The following ATP2B2 variants were observed in gnomAD, a reference collection of about 807,000 sequenced individuals.
The protein encoded by ATP2B2 is ATPase plasma membrane Ca2+ transporting 2, also known as plasma membrane calcium-transporting ATPase 2.
A neutral mutation model predicts 120.0 loss-of-function variants in ATP2B2; 15 were observed. The observed-to-expected ratio is 0.12, with a 90% CI of 0.08 to 0.19. ATP2B2 has a LOEUF of 0.19. Among genes scored for constraint, ATP2B2 ranks in the 10% least tolerant of loss-of-function variants. The pLI, the probability that ATP2B2 is intolerant of heterozygous loss-of-function variation, is 1.00. For synonymous variants in ATP2B2, 694 were observed against 700.3 expected (o/e 0.99, Z 0.14); for missense variants, 1,045 against 1,719.8 (o/e 0.61, Z 6.94).
Position 10,327,425 on chromosome 3 carries a change from G to T in ATP2B2, c.*1389C>A, listed in dbSNP as rs1383733895. 1 of 152,476 alleles carries T rather than the reference G, an allele frequency of 6.6e-6. No individual in the cohort carries two copies. Among genetic ancestry groups the T allele is most frequent in the Admixed American group, 6.5e-5 (1 of 15,270 alleles). The allele number at this position is 152,476 out of a possible 1,614,324, so 9.4% of individuals were successfully genotyped here. The stretch of plus-strand genomic sequence containing the variant: ...GGATCTAAATAGTGCAGAGAAAAAG[G>T]CTATTCTTCTTCAAAAATAAAAATA... On this transcript the variant is annotated 3_prime_UTR_variant, in exon 23 of 23. Coordinates refer to ENST00000360273, the MANE Select transcript of ATP2B2 (RefSeq NM_001001331.4).
At chr3:10,480,173 A>G (rs1462059580) in intron 1 of ATP2B2, among the ~76,000 whole-genome samples, 1 of 152,168 alleles carries the variant, frequency 6.6e-6, no homozygotes, top group Admixed American at 6.5e-5. Context: ...GGGTGTATTC[A>G]CTTTCTATAA....
intron 1 of ATP2B2, among the ~76,000 whole-genome samples, chr3:10,628,595 C>T (rs1044902848): frequency 6.6e-6 from 1 of 151,806 alleles, no homozygotes; most frequent in Non-Finnish European, 1.5e-5. Context: ...ATGGCATTCA[C>T]AATTCCGACC....
intron 2 of ATP2B2, among the ~76,000 whole-genome samples, chr3:10,543,250 C>T (rs927052449): frequency 5.9e-5 from 9 of 152,204 alleles, no homozygotes; most frequent in Admixed American, 2.0e-4. Context: ...AAATAAATTA[C>T]TGTTGTTTAA....
chr3:10,343,000 G>A lies in ATP2B2; in HGVS notation c.2704-35C>T, dbSNP rs771515432. The A allele has an allele frequency of 1.1e-5, 17 of 1,601,932 alleles. No individual in the cohort carries two copies. Among genetic ancestry groups the A allele is most frequent in the East Asian group, 2.2e-5 (1 of 44,794 alleles). On this transcript the variant is annotated intron_variant, in intron 18 of 22. Coordinates refer to ENST00000360273, the MANE Select transcript of ATP2B2 (RefSeq NM_001001331.4). The surrounding 1 kb of genome is among the most constrained non-coding windows in gnomAD (Gnocchi z 4.4). ...GGCAGGAGAGGGCTGTCACCTGTGCGCCCACCTGCTGCTGTGAAGTGCTGG... is the reference window on the plus strand; with the variant it reads ...GGCAGGAGAGGGCTGTCACCTGTGCACCCACCTGCTGCTGTGAAGTGCTGG...
At chr3:10,531,564 G>A (rs370746463) in intron 3 of ATP2B2, among the ~76,000 whole-genome samples, 14 of 152,208 alleles carry the variant, frequency 9.2e-5, no homozygotes, top group African/African-American at 2.9e-4. Flanking sequence ...GGCACAAGGC[G>A]AGCCCTGCAT....
chr3:10,700,992 T>C (rs777458276), intron 1 of ATP2B2, among the ~76,000 whole-genome samples: 3 of 152,234 alleles, frequency 2.0e-5, no homozygotes, highest in Non-Finnish European at 2.9e-5. Context: ...CTATGACTAA[T>C]GTCAAAAGAG....
chr3:10,693,563 A>G (rs960835523), intron 1 of ATP2B2, among the ~76,000 whole-genome samples: 3 of 152,278 alleles, frequency 2.0e-5, no homozygotes, highest in African/African-American at 7.2e-5. Context: ...TTTAAAACAA[A>G]TGGCGTAACA....
intron 5 of ATP2B2, among the ~76,000 whole-genome samples, chr3:10,389,108 T>C (rs1055535895): frequency 1.3e-5 from 2 of 152,238 alleles, no homozygotes; most frequent in Admixed American, 6.5e-5. Context: ...AGAACCACTT[T>C]CCTAGAACTT....
At chr3:10,677,155 C>G (rs2071267315) in intron 1 of ATP2B2, among the ~76,000 whole-genome samples, 2 of 152,182 alleles carry the variant, frequency 1.3e-5, no homozygotes, top group African/African-American at 4.8e-5. Context: ...AACTTGGAAG[C>G]AACCAAGATG....
At chr3:10,665,718 C>T (rs2070912676) in intron 1 of ATP2B2, among the ~76,000 whole-genome samples, 1 of 152,196 alleles carries the variant, frequency 6.6e-6, no homozygotes, top group South Asian at 2.1e-4. Flanking sequence ...AGGCTCAGCT[C>T]CCCTCCTGGC....
chr3:10,645,689 A>G (rs569185426), intron 1 of ATP2B2, among the ~76,000 whole-genome samples: 2 of 152,350 alleles, frequency 1.3e-5, no homozygotes, highest in African/African-American at 2.4e-5. Context: ...TTGAGTCTGC[A>G]TCTGTCTCCA....
chr3:10,376,660 T>C (rs1210947441), intron 10 of ATP2B2, among the ~76,000 whole-genome samples: 1 of 152,178 alleles, frequency 6.6e-6, no homozygotes, highest in East Asian at 1.9e-4. Flanking sequence ...CCTGCTCAGG[T>C]GACTGGGTCC....
At chr3:10,452,446 C>A (rs997212277) in intron 1 of ATP2B2, among the ~76,000 whole-genome samples, 1 of 152,192 alleles carries the variant, frequency 6.6e-6, no homozygotes, top group Non-Finnish European at 1.5e-5. Context: ...GGCACTAGGT[C>A]CGTGCAGGGA....
chr3:10,684,029 A>C (rs936152586), intron 1 of ATP2B2, among the ~76,000 whole-genome samples: 6 of 151,940 alleles, frequency 3.9e-5, no homozygotes, highest in African/African-American at 1.5e-4. Context: ...TCCATTGGAG[A>C]ATTGTCCCTT....
chr3:10,504,847 G>T (rs946455164), intron 1 of ATP2B2, among the ~76,000 whole-genome samples: 4 of 152,086 alleles, frequency 2.6e-5, no homozygotes, highest in Non-Finnish European at 5.9e-5. Flanking sequence ...CTGGCCACCC[G>T]TTCCTGCCAC....
intron 2 of ATP2B2, among the ~76,000 whole-genome samples, chr3:10,618,756 T>C (rs2069465778): frequency 1.3e-5 from 2 of 152,144 alleles, no homozygotes; most frequent in Non-Finnish European, 2.9e-5. Flanking sequence ...CAGAGAGCAC[T>C]TGGGAAGAAA....
At chr3:10,465,480 T>G (rs946101448) in intron 1 of ATP2B2, among the ~76,000 whole-genome samples, 7 of 152,266 alleles carry the variant, frequency 4.6e-5, no homozygotes, top group Admixed American at 6.5e-5. Context: ...ACCATCCTTC[T>G]GCATTTCAAA....
intron 22 of ATP2B2, among the ~76,000 whole-genome samples, chr3:10,335,258 T>C (rs1352368736): frequency 3.3e-5 from 5 of 152,132 alleles, no homozygotes; most frequent in Non-Finnish European, 4.4e-5. Context: ...CGACCCACCA[T>C]TTTCTACCAG....
At position 10,355,909 on chromosome 3, in the gene ATP2B2, TAA is replaced by T. The variant is rs1480064242; in HGVS notation, c.2136+2780_2136+2781del. 5.4e-5 allele frequency among the ~76,000 whole-genome samples: 4 copies of T among 74,462 alleles called. 1 individual carries two copies. Among genetic ancestry groups the T allele is most frequent in the Admixed American group, 3.4e-4 (2 of 5,932 alleles). 48.8% of individuals were successfully genotyped at this position (74,462 alleles called of 152,430 possible). On this transcript the variant is annotated intron_variant, in intron 14 of 22. Coordinates refer to ENST00000360273, the MANE Select transcript of ATP2B2 (RefSeq NM_001001331.4). ...TAACACGGTGAAACCCCGTCTCTAC[TAA>T]AAAAATACAAAAAATTAGCCGGGCG...
Sources: gnomAD v4.1 joint callset for allele counts (sites outside exome capture counted in the v4.1 genomes callset) on GRCh38, gnomAD v4.1.1 for gene constraint, Gnocchi (gnomAD v3.1) non-coding constraint, MANE v1.5 for transcripts, NCBI Gene and HGNC (gene_info 2026-07-23, HGNC 2026-07-21) for gene names.